Variants in DOC2B observed in about 807,000 individuals in gnomAD.
DOC2B encodes the protein double C2-like domain-containing protein beta.
In DOC2B, 21 loss-of-function variants were observed where a neutral mutation model predicts 28.9. The observed-to-expected ratio is 0.73, with a 90% CI of 0.52 to 1.05. The LOEUF (loss-of-function observed/expected upper bound fraction) is 1.05, where lower values mean the gene tolerates loss of function less well. DOC2B is among the 50% of genes least tolerant of loss of function. DOC2B has a pLI of 0.00. For missense variants in DOC2B, 384 were observed against 421.1 expected (o/e 0.91, Z 0.77); for synonymous variants, 194 against 178.1 (o/e 1.09, Z -0.71).
At chr17:151,429 T>C (rs1298160784) in intron 6 of DOC2B, among the ~76,000 whole-genome samples, 1 of 152,178 alleles carries the variant, frequency 6.6e-6, no homozygotes, top group African/African-American at 2.4e-5. Context: ...AACTCAAAAA[T>C]TCAAAAATCT....
intron 1 of DOC2B, among the ~76,000 whole-genome samples, chr17:176,587 CAAAA>C (rs1296248531): frequency 2.0e-5 from 3 of 152,038 alleles, no homozygotes; most frequent in Non-Finnish European, 4.4e-5. Flanking sequence ...AACTAAGAAA[CAAAA>C]AGAGAGAAAA....
At position 147,202 on chromosome 17, in the gene DOC2B, A is replaced by G. The variant is rs1229416159; in HGVS notation, c.*239T>C. On this transcript the variant is annotated 3_prime_UTR_variant, in exon 9 of 9. Coordinates refer to ENST00000613549, the MANE Select transcript of DOC2B (RefSeq NM_003585.5). ...GCAGGTGCTGAGGTCTCTTTCCACC[A>G]CCGGCCTCTTGGGCCCCAGAGAGCT... 1.6e-5 allele frequency: 6 copies of G among 382,340 alleles called. No individual in the cohort carries two copies. The highest frequency in any genetic ancestry group is 1.5e-4 in the South Asian group (1 of 6,850). 23.7% of individuals were successfully genotyped at this position (382,340 alleles called of 1,614,324 possible).
chr17:151,930 T>A (rs2040076799), intron 6 of DOC2B, among the ~76,000 whole-genome samples: 1 of 152,138 alleles, frequency 6.6e-6, no homozygotes, highest in African/African-American at 2.4e-5. Context: ...GAAGTGCCCT[T>A]CCCTCCTCAC....
intron 6 of DOC2B, among the ~76,000 whole-genome samples, chr17:150,072 G>T (rs1424029443): frequency 3.3e-5 from 5 of 152,170 alleles, no homozygotes; most frequent in African/African-American, 1.2e-4. Context: ...CAGAGAGGGG[G>T]AGTGACTTGC....
At chr17:175,341 A>G (rs2040357367) in intron 1 of DOC2B, among the ~76,000 whole-genome samples, 1 of 152,242 alleles carries the variant, frequency 6.6e-6, no homozygotes, top group Non-Finnish European at 1.5e-5. Context: ...AGCTGCCTGC[A>G]TGCTAGCTGC....
chr17:148,715 C>T (rs959977132), intron 7 of DOC2B, among the ~76,000 whole-genome samples: 2 of 152,084 alleles, frequency 1.3e-5, no homozygotes, highest in Non-Finnish European at 2.9e-5. Flanking sequence ...CCCCTCTGCT[C>T]TTCTTTCCTT....
chr17:166,352 G>A (rs953641600), intron 2 of DOC2B, among the ~76,000 whole-genome samples: 2 of 152,286 alleles, frequency 1.3e-5, no homozygotes, highest in African/African-American at 4.8e-5. Context: ...CACGGAAGGG[G>A]AAGGTCGGGA....
Position 181,184 on chromosome 17 carries a change from CCCGGGCTGGG to C in DOC2B, c.286_295del (p.Pro96ValfsTer55). 2 of 1,245,028 alleles carry C rather than the reference CCCGGGCTGGG, an allele frequency of 1.6e-6. No individual in the cohort carries two copies. Among genetic ancestry groups the C allele is most frequent in the Non-Finnish European group, 2.0e-6 (2 of 995,158 alleles). The allele number at this position is 1,245,028 out of a possible 1,614,324, so 77.1% of individuals were successfully genotyped here. On this transcript the variant is annotated frameshift_variant, in exon 1 of 9. Coordinates refer to ENST00000613549, the MANE Select transcript of DOC2B (RefSeq NM_003585.5). LOFTEE classifies it high-confidence loss of function. The surrounding 1 kb of genome is among the most constrained non-coding windows in gnomAD (Gnocchi z 7.0). Reference sequence around the variant, plus strand: ...GGCTGGCGGCCGCGCGGGGCTGGGACCCGGGCTGGGGCCCGGGCTGGAGCCGTAGGCTCCG... The same window carrying C: ...GGCTGGCGGCCGCGCGGGGCTGGGACGCCCGGGCTGGAGCCGTAGGCTCCG...
Position 156,214 on chromosome 17 carries a change from A to G in DOC2B, c.923+6T>C. ...TGGCAGGTGGTCACGCGCACGGCAC[A>G]CTCACGTTTTCACGTAGGGGTCCGA... On this transcript the variant is annotated splice_donor_region_variant and intron_variant, in intron 6 of 8. Transcript: ENST00000613549. 6.5e-7 allele frequency: 1 copy of G among 1,546,934 alleles called. No homozygotes were observed. Among genetic ancestry groups the G allele is most frequent in the Non-Finnish European group, 8.7e-7 (1 of 1,144,446 alleles).
intron 6 of DOC2B, among the ~76,000 whole-genome samples, chr17:155,054 G>A (rs567975212): frequency 6.6e-6 from 1 of 152,166 alleles, no homozygotes. Flanking sequence ...TTTAACTGTA[G>A]AGACAAGGTC....
In DOC2B at chr17:143,915, G is replaced by A. The variant is rs1190305352; in HGVS notation, c.*3526C>T. 1 of 152,212 alleles carries A rather than the reference G, an allele frequency of 6.6e-6. No individual in the cohort carries two copies. The highest frequency in any genetic ancestry group is 1.9e-4 in the East Asian group (1 of 5,178). 9.4% of individuals were successfully genotyped at this position (152,212 alleles called of 1,614,324 possible). ...GACAGCCAGAGTCCATGCATCGGGAGGTTCACTCGGTTTGCGAAGGAACAA... is the reference window on the plus strand; with the variant it reads ...GACAGCCAGAGTCCATGCATCGGGAAGTTCACTCGGTTTGCGAAGGAACAA... On this transcript the variant is annotated 3_prime_UTR_variant, in exon 9 of 9. Transcript: ENST00000613549.
intron 6 of DOC2B, among the ~76,000 whole-genome samples, chr17:153,812 G>A (rs1179759364): frequency 1.3e-5 from 2 of 151,920 alleles, no homozygotes; most frequent in Non-Finnish European, 2.9e-5. Flanking sequence ...ATATATATAC[G>A]CAAACCAGTA....
At chr17:177,136 G>T (rs944040387) in intron 1 of DOC2B, among the ~76,000 whole-genome samples, 6 of 149,996 alleles carry the variant, frequency 4.0e-5, no homozygotes, top group Admixed American at 6.7e-5. Context: ...TGTGTTGAAA[G>T]CATTTTATAG....
chr17:173,142 G>T (rs113473114), intron 1 of DOC2B, among the ~76,000 whole-genome samples: 2 of 152,204 alleles, frequency 1.3e-5, no homozygotes, highest in Non-Finnish European at 2.9e-5. Context: ...CGAGCAGGCC[G>T]TGAGGAGCCA....
chr17:170,654 G>A (rs553643692), intron 2 of DOC2B, among the ~76,000 whole-genome samples: 91 of 152,302 alleles, frequency 6.0e-4, no homozygotes, highest in Middle Eastern at 6.8e-3. Context: ...ATCAATTTTG[G>A]CACCTTCCTC....
At chr17:161,022 A>G (rs918768689) in intron 5 of DOC2B, among the ~76,000 whole-genome samples, 2 of 151,872 alleles carry the variant, frequency 1.3e-5, no homozygotes, top group Non-Finnish European at 1.5e-5. Flanking sequence ...CCCTCACCCA[A>G]GGACGTCCTA....
chr17:162,766 G>A (rs988662013), intron 3 of DOC2B, among the ~76,000 whole-genome samples: 3 of 152,340 alleles, frequency 2.0e-5, no homozygotes, highest in Non-Finnish European at 1.5e-5. Context: ...CCGATGCCAC[G>A]GGGTAGGTTC....
rs1274050564 is a variant in DOC2B, at chr17:146,358, A to C, written c.*1083T>G. The stretch of plus-strand genomic sequence containing the variant: ...CACAAGGGACCCTTTTCTCCACTGC[A>C]GCTGACCTGATGCTTATGCCAGGAA... On this transcript the variant is annotated 3_prime_UTR_variant, in exon 9 of 9. Transcript: ENST00000613549. The C allele has an allele frequency of 6.6e-6, 1 of 152,240 alleles. No homozygotes were observed. The highest frequency in any genetic ancestry group is 2.4e-5 in the African/African-American group (1 of 41,426). 9.4% of individuals were successfully genotyped at this position (152,240 alleles called of 1,614,324 possible). A position where few individuals can be genotyped will look rare whatever the true frequency, so the allele number is the denominator to read the frequency against.
Position 147,375 on chromosome 17 carries a change from T to G in DOC2B, c.*66A>C, listed in dbSNP as rs1264811160. On this transcript the variant is annotated 3_prime_UTR_variant, in exon 9 of 9. Coordinates refer to ENST00000613549, the MANE Select transcript of DOC2B (RefSeq NM_003585.5). ...GGGGGCCACAGGCCTTGGTGGCTGC[T>G]GGGGAAGCCCGGGGCCGGCCGTGCT... 1 of 398,516 alleles carries G rather than the reference T, an allele frequency of 2.5e-6. No homozygotes were observed. The highest frequency in any genetic ancestry group is 2.1e-5 in the African/African-American group (1 of 48,588). 24.7% of individuals were successfully genotyped at this position (398,516 alleles called of 1,614,324 possible).
Sources: allele counts gnomAD v4.1 joint callset (sites outside exome capture counted in the v4.1 genomes callset), GRCh38; gene constraint gnomAD v4.1.1; non-coding constraint Gnocchi (gnomAD v3.1); transcripts MANE v1.5; gene names NCBI Gene and HGNC (gene_info 2026-07-23, HGNC 2026-07-21).